Variants in WNT7B observed in about 807,000 individuals in gnomAD.
WNT7B encodes protein Wnt-7b.
In WNT7B, 19 loss-of-function variants were observed where a neutral mutation model predicts 38.2. The observed-to-expected ratio is 0.50, with a 90% CI of 0.35 to 0.73. WNT7B has a LOEUF of 0.73. Ranked by LOEUF, WNT7B falls within the 30% of genes least tolerant of loss-of-function variation. The probability of loss-of-function intolerance (pLI) is 0.01; values close to 1 mark genes in which losing one functional copy is unlikely to be tolerated. For synonymous variants in WNT7B, 243 were observed against 209.3 expected, an observed-to-expected ratio of 1.16 and a Z score of -1.39; for missense variants, 423 against 507.9, an observed-to-expected ratio of 0.83 and a Z score of 1.61.
At position 45,951,913 on chromosome 22, in the gene WNT7B, G is replaced by A. The variant is rs1358667830; in HGVS notation, c.72-1767C>T. On this transcript the variant is annotated intron_variant, in intron 1 of 3. Coordinates refer to ENST00000339464, the MANE Select transcript of WNT7B (RefSeq NM_058238.3). The surrounding 1 kb of genome is among the most constrained non-coding windows in gnomAD (Gnocchi z 4.8). ...ATGGACCTATGAGTTGCTGGGTCAG[G>A]TGGTCCCTTCGCTTTCTGAGGACTT... is the stretch of plus-strand genomic sequence containing the variant. Among the ~76,000 whole-genome samples the A allele has an allele frequency of 6.6e-6, 1 of 152,216 alleles. No homozygotes were observed. Among genetic ancestry groups the A allele is most frequent in the Non-Finnish European group, 1.5e-5 (1 of 68,044 alleles).
At chr22:45,926,299 G>C in intron 3 of WNT7B, 4 of 985,428 alleles carry the variant, frequency 4.1e-6, no homozygotes, top group Non-Finnish European at 3.6e-6. Flanking sequence ...GCAGGGCACA[G>C]AGTGAGCTCA....
intron 2 of WNT7B, among the ~76,000 whole-genome samples, chr22:45,940,747 G>A (rs1601724885): frequency 6.6e-6 from 1 of 152,200 alleles, no homozygotes; most frequent in East Asian, 1.9e-4. Context: ...GTGGCTGGAG[G>A]GACTGGGGTG....
At position 45,922,847 on chromosome 22, in the gene WNT7B, G is replaced by A; in HGVS notation, c.*9C>T. On this transcript the variant is annotated 3_prime_UTR_variant, in exon 4 of 4. Transcript: ENST00000339464. ...TCCAGGGTGCCCGCGGCCGCCTCCGGGCCTGGCCTCACTTGCAGGTGAAGA... is the reference window on the plus strand; with the variant it reads ...TCCAGGGTGCCCGCGGCCGCCTCCGAGCCTGGCCTCACTTGCAGGTGAAGA... 1.3e-6 allele frequency: 2 copies of A among 1,589,476 alleles called. No individual in the cohort carries two copies. The highest frequency in any genetic ancestry group is 1.7e-6 in the Non-Finnish European group (2 of 1,163,194).
At chr22:45,955,217 CGGCCTGGCCCTGCCACACCCCA>C (rs1234518498) in intron 1 of WNT7B, among the ~76,000 whole-genome samples, 2 of 152,352 alleles carry the variant, frequency 1.3e-5, no homozygotes, top group Admixed American at 1.3e-4. Flanking sequence ...CTCCCCGAGC[CGGCCTGGCCCTGCCACACCCCA>C]GGCCTGGCCC....
chr22:45,957,574 C>T (rs1395738148), intron 1 of WNT7B, among the ~76,000 whole-genome samples: 4 of 146,992 alleles, frequency 2.7e-5, no homozygotes, highest in African/African-American at 1.0e-4. Context: ...ATCTCAGCTA[C>T]TTGGGAGGCT....
intron 2 of WNT7B, among the ~76,000 whole-genome samples, chr22:45,940,048 C>G (rs1240456332): frequency 6.6e-6 from 1 of 152,154 alleles, no homozygotes; most frequent in Non-Finnish European, 1.5e-5. Flanking sequence ...ACTGCAGTGA[C>G]AGCTACACAA....
At chr22:45,925,806 G>A (rs1431100024) in intron 3 of WNT7B, 22 of 985,374 alleles carry the variant, frequency 2.2e-5, no homozygotes, top group Admixed American at 6.1e-5. Flanking sequence ...ACCCCACCCC[G>A]GGCTGCTCAC....
intron 1 of WNT7B, among the ~76,000 whole-genome samples, chr22:45,955,401 C>T (rs1438275622): frequency 4.6e-5 from 7 of 152,200 alleles, no homozygotes; most frequent in East Asian, 1.9e-4. Flanking sequence ...GAGAGCCGTG[C>T]GGGTAGTGTG....
intron 2 of WNT7B, 137 bp downstream of exon 2, chr22:45,949,783 G>A (rs1290003208): frequency 2.4e-6 from 2 of 827,688 alleles, no homozygotes; most frequent in African/African-American, 1.7e-5. Flanking sequence ...ACGCAGAAGG[G>A]CTCACAGGAA....
chr22:45,967,204 G>A (rs996852876), intron 1 of WNT7B, among the ~76,000 whole-genome samples: 7 of 152,324 alleles, frequency 4.6e-5, no homozygotes, highest in African/African-American at 9.6e-5. Flanking sequence ...GCCAGCGGGC[G>A]GCCCGCACCA....
At chr22:45,941,237 C>T (rs375678708) in intron 2 of WNT7B, among the ~76,000 whole-genome samples, 3 of 152,108 alleles carry the variant, frequency 2.0e-5, no homozygotes, top group Non-Finnish European at 2.9e-5. Context: ...GGGCCGGGCG[C>T]GGTGGCTCAC....
At chr22:45,964,747 T>A (rs1217840149) in intron 1 of WNT7B, among the ~76,000 whole-genome samples, 2 of 152,124 alleles carry the variant, frequency 1.3e-5, no homozygotes, top group Non-Finnish European at 2.9e-5. Context: ...GCCATCAGAC[T>A]GACAGATTTG....
At chr22:45,944,415 G>A (rs1269891012) in intron 2 of WNT7B, among the ~76,000 whole-genome samples, 1 of 152,200 alleles carries the variant, frequency 6.6e-6, no homozygotes, top group African/African-American at 2.4e-5. Flanking sequence ...CCCGGGGAGG[G>A]GCAGCCCCGG....
chr22:45,975,710 G>C lies in WNT7B; in HGVS notation c.71+974C>G. 2 of 505,822 alleles carry C rather than the reference G, an allele frequency of 4.0e-6. No homozygotes were observed. The allele number at this position is 505,822 out of a possible 1,614,324, so 31.3% of individuals were successfully genotyped here. ...CTTGCCTGTGGCCTGGACGGGGCTC[G>C]CCTCGGGGCAGCCGGCGGCGCACAG... On this transcript the variant is annotated intron_variant, in intron 1 of 3. Coordinates refer to ENST00000339464, the MANE Select transcript of WNT7B (RefSeq NM_058238.3). This position sits in a 1 kb window ranked among gnomAD's most constrained non-coding sequence, Gnocchi z 6.6.
chr22:45,976,912 C>T lies in WNT7B; in HGVS notation c.-158G>A. Reference sequence around the variant, plus strand: ...ACGCGCGGGCACTCGGCGCGCGCTGCCACCATGGTGAGCCCGGGATGCCGC... The same window carrying T: ...ACGCGCGGGCACTCGGCGCGCGCTGTCACCATGGTGAGCCCGGGATGCCGC... On this transcript the variant is annotated 5_prime_UTR_variant, in exon 1 of 4. Coordinates refer to ENST00000339464, the MANE Select transcript of WNT7B (RefSeq NM_058238.3). The surrounding 1 kb of genome is among the most constrained non-coding windows in gnomAD (Gnocchi z 8.5). 1.0e-6 allele frequency: 1 copy of T among 993,882 alleles called. No individual in the cohort carries two copies. Among genetic ancestry groups the T allele is most frequent in the South Asian group, 4.5e-5 (1 of 22,028 alleles). 61.6% of individuals were successfully genotyped at this position (993,882 alleles called of 1,614,324 possible). A position where few individuals can be genotyped will look rare whatever the true frequency, so the allele number is the denominator to read the frequency against.
chr22:45,934,694 G>A (rs141120629), intron 2 of WNT7B, among the ~76,000 whole-genome samples: 3 of 152,288 alleles, frequency 2.0e-5, no homozygotes, highest in South Asian at 4.2e-4. Context: ...CCAGCCTCCC[G>A]CAAGCGCCTG....
At chr22:45,929,047 TG>T (rs1931196396) in intron 3 of WNT7B, among the ~76,000 whole-genome samples, 1 of 152,072 alleles carries the variant, frequency 6.6e-6, no homozygotes, top group Non-Finnish European at 1.5e-5. Flanking sequence ...ATCTTTAAAA[TG>T]GGGAGAGTGA....
Position 45,924,311 on chromosome 22 carries a change from A to AAATG in WNT7B, c.571-980_571-977dup, listed in dbSNP as rs778598358. ...TAGCCTAGTGGAGAAGTCCCCCAGAAAATGAATGAATGAATGAGTACAAGA... is the reference window on the plus strand; with the variant it reads ...TAGCCTAGTGGAGAAGTCCCCCAGAAAATGAATGAATGAATGAATGAGTACAAGA... On this transcript the variant is annotated intron_variant, in intron 3 of 3. Coordinates refer to ENST00000339464, the MANE Select transcript of WNT7B (RefSeq NM_058238.3). Among the ~76,000 whole-genome samples the AAATG allele has an allele frequency of 3.9e-5, 6 of 152,288 alleles. 1 individual carries two copies. In the South Asian group the frequency reaches 6.2e-4, roughly 16 times the overall value.
At chr22:45,949,223 G>T (rs535811846) in intron 2 of WNT7B, among the ~76,000 whole-genome samples, 3 of 152,344 alleles carry the variant, frequency 2.0e-5, no homozygotes, top group African/African-American at 7.2e-5. Context: ...TGTGAGGACA[G>T]GGAGGGGTTG....
Sources: gnomAD v4.1 joint callset for allele counts (sites outside exome capture counted in the v4.1 genomes callset) on GRCh38, gnomAD v4.1.1 for gene constraint, Gnocchi (gnomAD v3.1) non-coding constraint, MANE v1.5 for transcripts, NCBI Gene and HGNC (gene_info 2026-07-23, HGNC 2026-07-21) for gene names.